The following LRRC37A2 variants were observed in gnomAD, a reference collection of about 807,000 sequenced individuals.
The protein encoded by LRRC37A2 is leucine-rich repeat-containing protein 37A2.
Under a neutral mutation model 68.8 loss-of-function variants are expected in LRRC37A2, and 9 were observed. That is an observed-to-expected ratio of 0.13 (90% CI 0.08 to 0.23). The LOEUF (loss-of-function observed/expected upper bound fraction) is 0.23, where lower values mean the gene tolerates loss of function less well. Ranked by LOEUF, LRRC37A2 falls within the 10% of genes least tolerant of loss-of-function variation. The pLI is 1.00. For missense variants in LRRC37A2, 168 were observed against 950.4 expected (o/e 0.18, Z 10.82); for synonymous variants, 63 against 367.6 (o/e 0.17, Z 9.48).
the LRRC37A2 span, among the ~76,000 whole-genome samples, chr17:47,034,421 G>A: frequency 6.6e-6 from 1 of 152,062 alleles, no homozygotes; most frequent in African/African-American, 2.4e-5. Flanking sequence ...AGATCCTAAT[G>A]TCAGCTGGAG....
chr17:46,875,778 A>G, the LRRC37A2 span, among the ~76,000 whole-genome samples: 9 of 152,312 alleles, frequency 5.9e-5, no homozygotes, highest in African/African-American at 2.2e-4. Flanking sequence ...GGGTGGGAAG[A>G]TGGAAGTGGC....
At chr17:46,787,059 T>TC in the LRRC37A2 span, among the ~76,000 whole-genome samples, 1 of 151,924 alleles carries the variant, frequency 6.6e-6, no homozygotes, top group African/African-American at 2.4e-5. Flanking sequence ...CACCTCAGCC[T>TC]CCTGAGTAGC....
chr17:46,499,320 A>G, the LRRC37A2 span, among the ~76,000 whole-genome samples: 1 of 128,506 alleles, frequency 7.8e-6, no homozygotes, highest in African/African-American at 3.1e-5. Flanking sequence ...TCAAAAAAAA[A>G]AAAAAAAAAA....
the LRRC37A2 span, among the ~76,000 whole-genome samples, chr17:46,386,170 C>G: frequency 0.15 from 17,124 of 113,772 alleles, 231 homozygotes; most frequent in Middle Eastern, 0.25. Flanking sequence ...GTGAACATGG[C>G]TGACTGCAAC....
At chr17:46,804,210 C>G in the LRRC37A2 span, among the ~76,000 whole-genome samples, 2 of 152,120 alleles carry the variant, frequency 1.3e-5, no homozygotes, top group African/African-American at 4.8e-5. Flanking sequence ...GCCTCAGCCT[C>G]CCCAGCAGCT....
At chr17:46,735,195 T>C in the LRRC37A2 span, among the ~76,000 whole-genome samples, 1 of 152,206 alleles carries the variant, frequency 6.6e-6, no homozygotes, top group African/African-American at 2.4e-5. Flanking sequence ...AATACCAGAA[T>C]AAATTATAAG....
chr17:46,979,920 C>T, the LRRC37A2 span, among the ~76,000 whole-genome samples: 3 of 152,038 alleles, frequency 2.0e-5, no homozygotes, highest in Non-Finnish European at 2.9e-5. Context: ...GGTATAAACT[C>T]CTCCCAGACT....
the LRRC37A2 span, among the ~76,000 whole-genome samples, chr17:46,382,265 A>G: frequency 8.4e-6 from 1 of 119,672 alleles, no homozygotes; most frequent in African/African-American, 2.9e-5. Context: ...AGTGAAACTC[A>G]GTCTCAAAAA....
chr17:46,869,302 G>C, the LRRC37A2 span, among the ~76,000 whole-genome samples: 1 of 152,276 alleles, frequency 6.6e-6, no homozygotes, highest in South Asian at 2.1e-4. Flanking sequence ...CTCTGGGGTG[G>C]GGCCTGAGGA....
chr17:46,737,936 T>C, the LRRC37A2 span, among the ~76,000 whole-genome samples: 1 of 56,612 alleles, frequency 1.8e-5, no homozygotes, highest in East Asian at 4.3e-4. Flanking sequence ...TTATTATTAT[T>C]ATTATTATTA....
the LRRC37A2 span, among the ~76,000 whole-genome samples, chr17:47,000,086 T>TAAAATAAAATAA: frequency 2.6e-4 from 3 of 11,536 alleles, no homozygotes; most frequent in Non-Finnish European, 6.3e-4. Context: ...AAAAATAAAA[T>TAAAATAAAATAA]AAAATAAAAT....
chr17:46,916,283 T>G, the LRRC37A2 span, among the ~76,000 whole-genome samples: 5 of 152,200 alleles, frequency 3.3e-5, no homozygotes, highest in African/African-American at 1.2e-4. Flanking sequence ...TTTTAAGCTG[T>G]TCCAGGTGAG....
chr17:46,545,832 A>C (rs2056226674), intron 8 of LRRC37A2, among the ~76,000 whole-genome samples: 1 of 150,042 alleles, frequency 6.7e-6, no homozygotes, highest in Admixed American at 6.6e-5. Flanking sequence ...GGTTAAACTA[A>C]GCTATTTTTA....
At chr17:46,722,311 GTCC>G in the LRRC37A2 span, 1 of 726,850 alleles carries the variant, frequency 1.4e-6, no homozygotes, top group South Asian at 1.5e-5. Context: ...TCCAGCCTCA[GTCC>G]TCCTGGCATC....
chr17:46,823,148 ATAT>A, the LRRC37A2 span, among the ~76,000 whole-genome samples: 1 of 129,338 alleles, frequency 7.7e-6, no homozygotes, highest in Non-Finnish European at 1.6e-5. Context: ...TATATTATAT[ATAT>A]TTATATATTA....
chr17:46,519,236 C>T (rs1256458654), intron 3 of LRRC37A2, among the ~76,000 whole-genome samples: 1 of 150,372 alleles, frequency 6.7e-6, no homozygotes, highest in Non-Finnish European at 1.5e-5. Flanking sequence ...CCTCAGCCTC[C>T]TGGGTAGCTG....
At chr17:46,893,066 C>T in the LRRC37A2 span, among the ~76,000 whole-genome samples, 3 of 151,888 alleles carry the variant, frequency 2.0e-5, no homozygotes, top group Non-Finnish European at 4.4e-5. Flanking sequence ...CCTGGGTAGC[C>T]GGGATTACAG....
the LRRC37A2 span, among the ~76,000 whole-genome samples, chr17:46,882,480 G>T: frequency 2.2e-4 from 33 of 152,290 alleles, no homozygotes; most frequent in African/African-American, 7.7e-4. Flanking sequence ...TTGTTGCCCA[G>T]GCTGGAGTGC....
chr17:46,889,081 C>T, the LRRC37A2 span, among the ~76,000 whole-genome samples: 1 of 152,126 alleles, frequency 6.6e-6, no homozygotes, highest in East Asian at 1.9e-4. Flanking sequence ...AGGAAGAGAA[C>T]CATTTCTTCT....
Sources: allele counts gnomAD v4.1 joint callset (sites outside exome capture counted in the v4.1 genomes callset), GRCh38; gene constraint gnomAD v4.1.1; transcripts MANE v1.5; gene names NCBI Gene and HGNC (gene_info 2026-07-23, HGNC 2026-07-21).